CSNK1G3: variants seen among roughly 807,000 people sequenced by gnomAD.
CSNK1G3 encodes casein kinase 1 gamma 3.
In CSNK1G3, 23 loss-of-function variants were observed where a neutral mutation model predicts 64.3. The observed-to-expected ratio is 0.36, with a 90% confidence interval of 0.26 to 0.51. CSNK1G3 has a LOEUF of 0.51. CSNK1G3 is among the 20% of genes least tolerant of loss of function. The pLI, the probability that CSNK1G3 is intolerant of heterozygous loss-of-function variation, is 0.96. For missense variants in CSNK1G3, 357 were observed against 510.5 expected (o/e 0.70, Z 2.90); for synonymous variants, 158 against 162.2 (o/e 0.97, Z 0.20).
At chr5:123,542,977 A>G (rs1232316924) in intron 1 of CSNK1G3, among the ~76,000 whole-genome samples, 1 of 147,644 alleles carries the variant, frequency 6.8e-6, no homozygotes, top group Non-Finnish European at 1.5e-5. Context: ...TCTAACAGCT[A>G]TTTACTAGTG....
intron 12 of CSNK1G3, among the ~76,000 whole-genome samples, chr5:123,611,998 A>AT (rs1561637855): frequency 1.3e-5 from 2 of 152,136 alleles, no homozygotes; most frequent in South Asian, 4.1e-4. Flanking sequence ...AATTTGACTT[A>AT]TTTTTTTAAA....
At chr5:123,574,481 A>C (rs756420938) in intron 5 of CSNK1G3, among the ~76,000 whole-genome samples, 10 of 152,172 alleles carry the variant, frequency 6.6e-5, no homozygotes, top group Non-Finnish European at 1.3e-4. Context: ...TGAATAAATT[A>C]ATATCCAGAG....
At chr5:123,613,887 A>C (rs1305084387) in intron 12 of CSNK1G3, among the ~76,000 whole-genome samples, 1 of 152,144 alleles carries the variant, frequency 6.6e-6, no homozygotes, top group Non-Finnish European at 1.5e-5. Flanking sequence ...TCTGTCTTTC[A>C]CTTTTTTAAT....
chr5:123,577,171 A>T (rs1789332997), intron 6 of CSNK1G3, among the ~76,000 whole-genome samples: 1 of 152,026 alleles, frequency 6.6e-6, no homozygotes, highest in Non-Finnish European at 1.5e-5. Flanking sequence ...GCAAGTTCTT[A>T]TAAACAAACT....
At chr5:123,512,338 G>A (rs1054856696) in exon 1 of CSNK1G3, 1 of 153,082 alleles carries the variant, frequency 6.5e-6, no homozygotes, top group Admixed American at 6.5e-5. Context: ...GGCGGTAGGA[G>A]GCACCAGCGG....
intron 3 of CSNK1G3, among the ~76,000 whole-genome samples, chr5:123,555,993 T>C (rs1581104507): frequency 6.6e-6 from 1 of 152,182 alleles, no homozygotes; most frequent in African/African-American, 2.4e-5. Context: ...TTTAACCCAA[T>C]TTTACAGATG....
At chr5:123,518,235 C>T (rs1267932610) in intron 1 of CSNK1G3, among the ~76,000 whole-genome samples, 1 of 152,224 alleles carries the variant, frequency 6.6e-6, no homozygotes, top group East Asian at 1.9e-4. Context: ...TCTCACCTAG[C>T]TCAGTCCAAA....
At chr5:123,599,634 G>A (rs899383509) in intron 10 of CSNK1G3, among the ~76,000 whole-genome samples, 24 of 152,110 alleles carry the variant, frequency 1.6e-4, no homozygotes, top group Non-Finnish European at 1.5e-4. Context: ...ACTAGTTTCA[G>A]TCTACAAAAT....
At chr5:123,567,015 A>G (rs1288889167) in intron 4 of CSNK1G3, among the ~76,000 whole-genome samples, 1 of 152,222 alleles carries the variant, frequency 6.6e-6, no homozygotes, top group Non-Finnish European at 1.5e-5. Context: ...AAAGAGGTTT[A>G]TTAGACTTAA....
chr5:123,550,835 C>T (rs1403972610), intron 2 of CSNK1G3, among the ~76,000 whole-genome samples: 5 of 152,102 alleles, frequency 3.3e-5, no homozygotes, highest in Non-Finnish European at 7.4e-5. Flanking sequence ...ATAACAAATA[C>T]TGATTAAAAG....
chr5:123,536,802 A>G (rs1780909738), intron 1 of CSNK1G3, among the ~76,000 whole-genome samples: 1 of 152,170 alleles, frequency 6.6e-6, no homozygotes, highest in Admixed American at 6.6e-5. Context: ...TTTTCAAAAG[A>G]AGATACACAC....
intron 4 of CSNK1G3, among the ~76,000 whole-genome samples, chr5:123,568,341 C>A (rs1290281540): frequency 6.6e-6 from 1 of 152,098 alleles, no homozygotes; most frequent in Non-Finnish European, 1.5e-5. Flanking sequence ...TGCTTTGGAG[C>A]TTCTTCTCGG....
chr5:123,524,384 G>A (rs1350883482), intron 1 of CSNK1G3, among the ~76,000 whole-genome samples: 2 of 152,140 alleles, frequency 1.3e-5, no homozygotes, highest in African/African-American at 4.8e-5. Context: ...TTTTACCTTT[G>A]CACATGATAA....
intron 1 of CSNK1G3, among the ~76,000 whole-genome samples, chr5:123,544,781 A>G (rs1208227694): frequency 1.3e-5 from 2 of 152,206 alleles, no homozygotes; most frequent in Non-Finnish European, 2.9e-5. Context: ...GCCTGTCAAC[A>G]TTTCACAGTC....
chr5:123,548,853 G>A (rs893651182), intron 2 of CSNK1G3, among the ~76,000 whole-genome samples: 4 of 152,108 alleles, frequency 2.6e-5, no homozygotes, highest in Non-Finnish European at 1.5e-5. Context: ...TTGAAAATGG[G>A]CATTTTATAG....
At chr5:123,524,286 A>G (rs1185874515) in intron 1 of CSNK1G3, among the ~76,000 whole-genome samples, 1 of 152,208 alleles carries the variant, frequency 6.6e-6, no homozygotes, top group Non-Finnish European at 1.5e-5. Flanking sequence ...TTGTGTAATT[A>G]GGATGCTTGA....
chr5:123,569,878 T>G (rs1021419206), intron 4 of CSNK1G3, among the ~76,000 whole-genome samples: 1 of 152,228 alleles, frequency 6.6e-6, no homozygotes, highest in Non-Finnish European at 1.5e-5. Flanking sequence ...TAACTTTTCC[T>G]AGATTCCCTT....
intron 6 of CSNK1G3, among the ~76,000 whole-genome samples, chr5:123,576,890 T>A (rs927774415): frequency 1.3e-5 from 2 of 152,136 alleles, no homozygotes; most frequent in African/African-American, 2.4e-5. Flanking sequence ...ATTTTCTAAC[T>A]CCATTATTTC....
intron 6 of CSNK1G3, among the ~76,000 whole-genome samples, chr5:123,586,576 T>TA (rs1406848373): frequency 6.6e-6 from 1 of 152,170 alleles, no homozygotes; most frequent in Non-Finnish European, 1.5e-5. Context: ...ACCTCTCCGT[T>TA]ATATCACATT....
Sources: gnomAD v4.1 joint callset for allele counts (sites outside exome capture counted in the v4.1 genomes callset) on GRCh38, gnomAD v4.1.1 for gene constraint, MANE v1.5 for transcripts, NCBI Gene and HGNC (gene_info 2026-07-23, HGNC 2026-07-21) for gene names.